The following BOD1L1 variants were observed in gnomAD, a reference collection of about 807,000 sequenced individuals.
BOD1L1 encodes biorientation of chromosomes in cell division 1 like 1, also known as biorientation of chromosomes in cell division protein 1-like 1.
BOD1L1 carries 86 observed loss-of-function variants against 240.7 expected under a neutral mutation model. The ratio of observed to expected loss-of-function variants is 0.36; its 90% confidence interval spans 0.30 to 0.43. BOD1L1 has a LOEUF of 0.43. Ranked by LOEUF, BOD1L1 falls within the 20% of genes least tolerant of loss-of-function variation. The probability of loss-of-function intolerance (pLI) is 1.00; values close to 1 mark genes in which losing one functional copy is unlikely to be tolerated. For missense variants in BOD1L1, 3,554 were observed against 3,643.5 expected, an observed-to-expected ratio of 0.98 and a Z score of 0.63; for synonymous variants, 1,268 against 1,272.3, an observed-to-expected ratio of 1.00 and a Z score of 0.07.
At chr4:13,626,567 C>T (rs1424838407) in intron 1 of BOD1L1, among the ~76,000 whole-genome samples, 3 of 152,092 alleles carry the variant, frequency 2.0e-5, no homozygotes, top group Non-Finnish European at 4.4e-5. Context: ...TGCTAATGTC[C>T]CTTTCACTCT....
intron 25 of BOD1L1, among the ~76,000 whole-genome samples, chr4:13,575,215 A>C (rs565584348): frequency 1.3e-5 from 2 of 151,614 alleles, no homozygotes; most frequent in Non-Finnish European, 2.9e-5. Flanking sequence ...CACTGTGCCC[A>C]GCCCCGATTT....
intron 25 of BOD1L1, among the ~76,000 whole-genome samples, 189 bp from the exon 26 acceptor site, chr4:13,570,317 C>T (rs1212181451): frequency 6.6e-6 from 1 of 152,240 alleles, no homozygotes; most frequent in Admixed American, 6.5e-5. Context: ...CTGTCAACCT[C>T]ACACACAAAC....
Position 13,627,330 on chromosome 4 carries a change from C to T in BOD1L1, c.243+15G>A. 1.6e-6 allele frequency: 2 copies of T among 1,286,930 alleles called. No individual in the cohort carries two copies. The highest frequency in any genetic ancestry group is 2.0e-6 in the Non-Finnish European group (2 of 1,005,260). The allele number at this position is 1,286,930 out of a possible 1,614,324, so 79.7% of individuals were successfully genotyped here. ...CCCTTCCCTCGCAGACCCCCAAACC[C>T]GGCGCGCTCCTAACCTTGGTGTCCA... On this transcript the variant is annotated intron_variant, in intron 1 of 25. Transcript: ENST00000040738.
Position 13,600,570 on chromosome 4 carries a change from T to C in BOD1L1, c.6330A>G (p.Val2110=). The C allele has an allele frequency of 6.2e-7, 1 of 1,613,798 alleles. No individual in the cohort carries two copies. Among genetic ancestry groups the C allele is most frequent in the Non-Finnish European group, 8.5e-7 (1 of 1,179,818 alleles). Residue 2110 remains valine, a synonymous_variant, in exon 10 of 26, where the codon GTA becomes GTG. Transcript: ENST00000040738. ...RTEENMEGTR[V]TTEEFEAPMP... ...TGGGGGCCTCAAATTCTTCTGTGGT[T>C]ACTCTGGTACCTTCCATATTTTCTT...
rs759837320 is a variant in BOD1L1 at position 13,604,510 on chromosome 4, C to G, written c.2390G>C (p.Arg797Thr). 1.3e-6 allele frequency: 2 copies of G among 1,527,456 alleles called. No homozygotes were observed. The highest frequency in any genetic ancestry group is 2.6e-5 in the South Asian group (2 of 75,560). The allele number at this position is 1,527,456 out of a possible 1,614,324, so 94.6% of individuals were successfully genotyped here. A position where few individuals can be genotyped will look rare whatever the true frequency, so the allele number is the denominator to read the frequency against. ...ATCTTTGCCTAATACTGATAATTTC[C>G]TTTCATTCCTATGTTTACTTTTTCG... ...TERKSKHRNE[R>T]KLSVLGKDGK... Residue 797 changes from arginine (R) to threonine (T), a missense_variant, in exon 10 of 26, where the codon AGG becomes ACG. By Grantham distance (71) the Arg-to-Thr change is moderately conservative. This residue lies in a region of BOD1L1 where 3,393 missense variants were observed against 3,427.1 expected (regional missense o/e 0.99). Coordinates refer to ENST00000040738, the MANE Select transcript of BOD1L1 (RefSeq NM_148894.3).
intron 18 of BOD1L1, 71 bp downstream of exon 18, chr4:13,582,581 C>A: frequency 8.7e-7 from 1 of 1,149,274 alleles, no homozygotes; most frequent in Admixed American, 2.0e-5. Context: ...GCAAAATAGA[C>A]GTTTCGGTTG....
In BOD1L1 at chr4:13,614,560, T is replaced by G; in HGVS notation, c.810A>C (p.Gly270=). 6.2e-7 allele frequency: 1 copy of G among 1,614,026 alleles called. No individual in the cohort carries two copies. Among genetic ancestry groups the G allele is most frequent in the Admixed American group, 1.7e-5 (1 of 60,020 alleles). ...CTTCAGACTTTGGGGCTGTTTCCAG[T>G]CCTTCACCTCCAGAGTCAGCTGTAG... ...EKSTADSGGE[G]LETAPKSEEF... Residue 270 remains glycine, a synonymous_variant, in exon 4 of 26, where the codon GGA becomes GGC. Transcript: ENST00000040738.
At chr4:13,575,197 G>C (rs905098431) in intron 25 of BOD1L1, among the ~76,000 whole-genome samples, 3 of 151,976 alleles carry the variant, frequency 2.0e-5, no homozygotes, top group African/African-American at 7.3e-5. Flanking sequence ...GGGATTACAG[G>C]TGTGAGCCAC....
intron 16 of BOD1L1, among the ~76,000 whole-genome samples, chr4:13,587,264 A>G (rs563391730): frequency 7.9e-5 from 12 of 152,348 alleles, no homozygotes; most frequent in Non-Finnish European, 1.5e-4. Flanking sequence ...ATAAATGTAC[A>G]AGACTTCTAT....
intron 1 of BOD1L1, chr4:13,623,752 T>G (rs1396771571): frequency 6.6e-6 from 1 of 152,244 alleles, no homozygotes; most frequent in Non-Finnish European, 1.5e-5. Context: ...GTTTTGCTCT[T>G]AGCACCTGGC....
In BOD1L1 at chr4:13,580,850, G is replaced by A. The variant is rs563660424; in HGVS notation, c.8703+170C>T. ...GGAATCAGAATGAAGAACAACTAATGTAACTCTGTTTACACAAAGATACTA... is the reference window on the plus strand; with the variant it reads ...GGAATCAGAATGAAGAACAACTAATATAACTCTGTTTACACAAAGATACTA... On this transcript the variant is annotated intron_variant, in intron 21 of 25. Transcript: ENST00000040738. Among the ~76,000 whole-genome samples, 15 of 152,248 alleles carry A rather than the reference G, an allele frequency of 9.9e-5. No individual in the cohort carries two copies. In the East Asian group the frequency reaches 2.7e-3, roughly 27 times the overall value.
intron 12 of BOD1L1, among the ~76,000 whole-genome samples, chr4:13,595,395 C>G (rs1253993608): frequency 1.3e-5 from 2 of 152,138 alleles, no homozygotes; most frequent in African/African-American, 4.8e-5. Flanking sequence ...GAATGTTGCA[C>G]AGAGAGACTG....
chr4:13,598,956 C>T lies in BOD1L1; in HGVS notation c.7944G>A (p.Val2648=). 6.2e-7 allele frequency: 1 copy of T among 1,604,492 alleles called. No individual in the cohort carries two copies. The highest frequency in any genetic ancestry group is 8.5e-7 in the Non-Finnish European group (1 of 1,173,462). Residue 2648 remains valine, a synonymous_variant, in exon 10 of 26, where the codon GTG becomes GTA. Transcript: ENST00000040738. The part of the protein sequence containing the change: ...IMVTVSSEEN[V]CDIGNEESPL... The stretch of plus-strand genomic sequence containing the variant: ...GGTACAGATTCTCACCTATGTCACA[C>T]ACATTTTCTTCAGAAGACACAGTAA...
intron 8 of BOD1L1, among the ~76,000 whole-genome samples, chr4:13,607,594 A>C (rs1007895443): frequency 7.2e-5 from 11 of 152,164 alleles, no homozygotes; most frequent in Non-Finnish European, 2.9e-5. Flanking sequence ...CACCGCGCCC[A>C]GCTGTTTACT....
chr4:13,577,016 T>A (rs753761899), intron 24 of BOD1L1, 25 bp from the exon 25 acceptor site: 4 of 1,608,790 alleles, frequency 2.5e-6, no homozygotes, highest in Non-Finnish European at 3.4e-6. Flanking sequence ...GGGTAACACC[T>A]GGATTTTACA....
intron 22 of BOD1L1, among the ~76,000 whole-genome samples, chr4:13,579,027 T>C (rs1452716965): frequency 2.0e-5 from 3 of 152,208 alleles, no homozygotes; most frequent in Non-Finnish European, 4.4e-5. Context: ...GGGATGTTCA[T>C]CAGGCACTCA....
chr4:13,575,960 T>C (rs929262594), intron 25 of BOD1L1, among the ~76,000 whole-genome samples: 5 of 137,294 alleles, frequency 3.6e-5, no homozygotes, highest in African/African-American at 1.4e-4. Context: ...TGGAGTGCAG[T>C]GGAGCCATCT....
intron 12 of BOD1L1, among the ~76,000 whole-genome samples, chr4:13,594,140 A>C (rs1714425932): frequency 6.6e-6 from 1 of 152,168 alleles, no homozygotes; most frequent in African/African-American, 2.4e-5. Context: ...GCTTTACCTG[A>C]ATTTTTCAGT....
rs1488652681 is a variant in BOD1L1, at chr4:13,625,791, A to C, written c.243+1554T>G. 3 of 152,216 alleles carry C rather than the reference A, an allele frequency of 2.0e-5. No homozygotes were observed. The East Asian group carries it at 5.8e-4, about 29-fold the overall frequency. The allele number at this position is 152,216 out of a possible 1,614,324, so 9.4% of individuals were successfully genotyped here. A position where few individuals can be genotyped will look rare whatever the true frequency, so the allele number is the denominator to read the frequency against. ...CCTGAAGACAAAAGTAAAAAAAACTATACTTCCTAAATAGATGAACACTCC... is the reference window on the plus strand; with the variant it reads ...CCTGAAGACAAAAGTAAAAAAAACTCTACTTCCTAAATAGATGAACACTCC... On this transcript the variant is annotated intron_variant, in intron 1 of 25. Coordinates refer to ENST00000040738, the MANE Select transcript of BOD1L1 (RefSeq NM_148894.3).
Sources: allele counts gnomAD v4.1 joint callset (sites outside exome capture counted in the v4.1 genomes callset), GRCh38; gene constraint gnomAD v4.1.1; regional missense constraint gnomAD v4.1.1; transcripts MANE v1.5; gene names NCBI Gene and HGNC (gene_info 2026-07-23, HGNC 2026-07-21).